The following NCK2 variants were observed in gnomAD, a reference collection of about 807,000 sequenced individuals.
NCK2 encodes the protein NCK adaptor protein 2, also known as cytoplasmic protein NCK2.
NCK2 carries 16 observed loss-of-function variants against 33.9 expected under a neutral mutation model. That is an observed-to-expected ratio of 0.47 (90% CI 0.32 to 0.72). The LOEUF (loss-of-function observed/expected upper bound fraction) is 0.72, where lower values mean the gene tolerates loss of function less well. NCK2 is among the 30% of genes least tolerant of loss of function. NCK2 has a pLI of 0.03. For synonymous variants in NCK2, 273 were observed against 239.9 expected (o/e 1.14, Z -1.27); for missense variants, 418 against 537.3 (o/e 0.78, Z 2.19).
At chr2:105,861,903 T>TCCTCCTTCCCTCCCTCCCTCCCTCCCTC (rs1677550430) in intron 3 of NCK2, among the ~76,000 whole-genome samples, 1 of 114,790 alleles carries the variant, frequency 8.7e-6, no homozygotes, top group African/African-American at 4.1e-5. Flanking sequence ...TGGAATTCTT[T>TCCTCCTTCCCTCCCTCCCTCCCTCCCTC]CCTCCCTCCC....
rs563188889 is a variant in NCK2 at position 105,820,017 on chromosome 2, G to T, written c.-17+3404G>T. 1.7e-4 allele frequency among the ~76,000 whole-genome samples: 26 copies of T among 152,328 alleles called. 1 individual carries two copies. The East Asian group carries it at 4.1e-3, about 24-fold the overall frequency. ...GGACTGTGCTAACTGCTGTAGTGGA[G>T]GTTCTTACAGCCAGTCCCTAATACT... is the stretch of plus-strand genomic sequence containing the variant. On this transcript the variant is annotated intron_variant, in intron 2 of 4. Transcript: ENST00000233154.
At chr2:105,761,315 CTT>C (rs1422915305) in intron 1 of NCK2, among the ~76,000 whole-genome samples, 1 of 152,056 alleles carries the variant, frequency 6.6e-6, no homozygotes, top group African/African-American at 2.4e-5. Flanking sequence ...TCCAGAGAAT[CTT>C]TTTTTGGGAG....
At chr2:105,772,318 G>A (rs533808959) in intron 1 of NCK2, among the ~76,000 whole-genome samples, 41 of 152,206 alleles carry the variant, frequency 2.7e-4, no homozygotes, top group Admixed American at 9.2e-4. Flanking sequence ...CTGCCCCATG[G>A]AATAAACAGC....
At chr2:105,847,089 AT>A (rs1676880932) in intron 2 of NCK2, 1 of 152,254 alleles carries the variant, frequency 6.6e-6, no homozygotes, top group African/African-American at 2.4e-5. Flanking sequence ...TTCCACTTAA[AT>A]GAGGTACCTG....
intron 1 of NCK2, among the ~76,000 whole-genome samples, chr2:105,767,387 T>C (rs1331482528): frequency 6.6e-6 from 1 of 152,220 alleles, no homozygotes; most frequent in Non-Finnish European, 1.5e-5. Flanking sequence ...TAGTTAGTAT[T>C]TTGTGAAAGG....
At chr2:105,888,508 T>C (rs1678810641) in intron 4 of NCK2, among the ~76,000 whole-genome samples, 1 of 152,230 alleles carries the variant, frequency 6.6e-6, no homozygotes, top group Admixed American at 6.5e-5. Flanking sequence ...GGACTGAGTC[T>C]AGTTAGGTTT....
At chr2:105,805,288 C>G (rs1027026411) in intron 1 of NCK2, among the ~76,000 whole-genome samples, 2 of 152,130 alleles carry the variant, frequency 1.3e-5, no homozygotes, top group African/African-American at 4.8e-5. Context: ...GACGCGAGGG[C>G]AAAGAGTTAT....
intron 4 of NCK2, 78 bp from the exon 5 acceptor site, chr2:105,892,904 C>T (rs1159647861): frequency 2.3e-5 from 28 of 1,218,282 alleles, no homozygotes; most frequent in African/African-American, 2.1e-4. Context: ...TGGATTTAGA[C>T]GCACAAGAGA....
At chr2:105,890,901 G>C (rs1558890538) in intron 4 of NCK2, among the ~76,000 whole-genome samples, 5 of 152,234 alleles carry the variant, frequency 3.3e-5, no homozygotes, top group Admixed American at 2.6e-4. Context: ...GTCCTGCTGG[G>C]AGGTCGCAGA....
At chr2:105,781,505 C>A (rs1283827318) in intron 1 of NCK2, among the ~76,000 whole-genome samples, 1 of 152,236 alleles carries the variant, frequency 6.6e-6, no homozygotes, top group Non-Finnish European at 1.5e-5. Context: ...TTTCTGCACT[C>A]ATTCCTGGAA....
At chr2:105,853,543 C>T (rs182039695) in intron 2 of NCK2, among the ~76,000 whole-genome samples, 65 of 152,324 alleles carry the variant, frequency 4.3e-4, no homozygotes, top group African/African-American at 8.7e-4. Flanking sequence ...GCATCCCTCC[C>T]TTCCCTCTTG....
intron 1 of NCK2, among the ~76,000 whole-genome samples, chr2:105,771,218 C>T (rs1009392683): frequency 1.3e-4 from 19 of 151,680 alleles, no homozygotes; most frequent in African/African-American, 2.4e-4. Flanking sequence ...CACCGCGCCC[C>T]GCCCAATATC....
At chr2:105,774,189 A>G (rs916150054) in intron 1 of NCK2, among the ~76,000 whole-genome samples, 2 of 151,868 alleles carry the variant, frequency 1.3e-5, no homozygotes, top group Admixed American at 6.6e-5. Flanking sequence ...TTGTATTTTT[A>G]GTAGAGACAG....
chr2:105,772,886 C>T (rs1439542667), intron 1 of NCK2, among the ~76,000 whole-genome samples: 1 of 127,696 alleles, frequency 7.8e-6, no homozygotes, highest in Non-Finnish European at 1.6e-5. Flanking sequence ...CATCATCCCA[C>T]GTGTCCACAT....
chr2:105,796,323 G>A (rs568070947), intron 1 of NCK2, among the ~76,000 whole-genome samples: 2 of 152,322 alleles, frequency 1.3e-5, no homozygotes, highest in South Asian at 2.1e-4. Context: ...GGAGAGTGCT[G>A]GAGGTTAGTG....
chr2:105,839,989 C>CA (rs2104547630), intron 2 of NCK2, among the ~76,000 whole-genome samples: 1 of 152,276 alleles, frequency 6.6e-6, no homozygotes, highest in East Asian at 1.9e-4. Context: ...ATGCAGGTAA[C>CA]AAGAGGACCT....
At chr2:105,869,907 T>C (rs1677928064) in intron 3 of NCK2, among the ~76,000 whole-genome samples, 1 of 152,236 alleles carries the variant, frequency 6.6e-6, no homozygotes, top group Non-Finnish European at 1.5e-5. Context: ...TCTATACTTT[T>C]AGACCATTTT....
At chr2:105,822,947 G>A (rs1350291032) in intron 2 of NCK2, among the ~76,000 whole-genome samples, 3 of 151,944 alleles carry the variant, frequency 2.0e-5, no homozygotes, top group African/African-American at 7.3e-5. Context: ...CAGATACTCT[G>A]TCCTTGTCCT....
chr2:105,852,914 G>A (rs1006507720), intron 2 of NCK2, among the ~76,000 whole-genome samples: 4 of 152,150 alleles, frequency 2.6e-5, no homozygotes, highest in African/African-American at 4.8e-5. Flanking sequence ...TATATATTAT[G>A]CAGAGGCTTT....
Sources: gnomAD v4.1 joint callset for allele counts (sites outside exome capture counted in the v4.1 genomes callset) on GRCh38, gnomAD v4.1.1 for gene constraint, MANE v1.5 for transcripts, NCBI Gene and HGNC (gene_info 2026-07-23, HGNC 2026-07-21) for gene names.